Variants in NDUFS4 observed in about 807,000 individuals in gnomAD.
NDUFS4 encodes the protein NADH:ubiquinone oxidoreductase subunit S4.
In NDUFS4, 28 loss-of-function variants were observed where a neutral mutation model predicts 24.3. The ratio of observed to expected loss-of-function variants is 1.15; its 90% CI spans 0.85 to 1.58. The LOEUF (loss-of-function observed/expected upper bound fraction) is 1.58. Among genes scored for constraint, NDUFS4 ranks in the 40% most tolerant of loss-of-function variants. The probability of loss-of-function intolerance (pLI) is 0.00; values close to 1 mark genes in which losing one functional copy is unlikely to be tolerated. For missense variants in NDUFS4, 223 were observed against 207.9 expected, an observed-to-expected ratio of 1.07 and a Z score of -0.45; for synonymous variants, 93 against 69.7, an observed-to-expected ratio of 1.34 and a Z score of -1.67.
intron 4 of NDUFS4, among the ~76,000 whole-genome samples, chr5:53,682,503 C>T (rs1697032162): frequency 6.7e-6 from 1 of 149,524 alleles, no homozygotes; most frequent in African/African-American, 2.5e-5. Context: ...GTACTCCCAT[C>T]TGAGTCCAAT....
chr5:53,572,950 G>GTTTTTT (rs1561334374), intron 1 of NDUFS4, among the ~76,000 whole-genome samples: 1 of 116,744 alleles, frequency 8.6e-6, no homozygotes, highest in Non-Finnish European at 1.8e-5. Context: ...GGCCTTTGTT[G>GTTTTTT]TTTTTTGTTT....
chr5:53,643,473 A>G (rs1236621933), intron 2 of NDUFS4, among the ~76,000 whole-genome samples: 1 of 152,156 alleles, frequency 6.6e-6, no homozygotes, highest in African/African-American at 2.4e-5. Flanking sequence ...AGGGAACCAC[A>G]CAAAGCGTTG....
intron 1 of NDUFS4, among the ~76,000 whole-genome samples, chr5:53,583,875 A>T (rs541842823): frequency 6.6e-6 from 1 of 152,226 alleles, no homozygotes; most frequent in African/African-American, 2.4e-5. Flanking sequence ...AGTGTTGCCA[A>T]CCGTGGTTGC....
At chr5:53,587,895 G>A (rs11958510) in intron 1 of NDUFS4, among the ~76,000 whole-genome samples, 12,542 of 152,184 alleles carry the variant, frequency 0.082, 720 homozygotes, top group Non-Finnish European at 0.12. Flanking sequence ...CTTTTTTAAG[G>A]TAAATTACCA....
chr5:53,675,586 T>A lies in NDUFS4; in HGVS notation c.425-7532T>A, dbSNP rs563646201. 1.6e-4 allele frequency among the ~76,000 whole-genome samples: 25 copies of A among 152,316 alleles called. 2 individuals carry two copies. Among genetic ancestry groups the A allele is most frequent in the Admixed American group, 1.4e-3 (22 of 15,296 alleles). On this transcript the variant is annotated intron_variant, in intron 4 of 4. Transcript: ENST00000296684. The stretch of plus-strand genomic sequence containing the variant: ...GATAGACATACAGTCACACAGAGTT[T>A]ATAACTTCAGTTCTAAACTTTCAGC...
intron 2 of NDUFS4, among the ~76,000 whole-genome samples, chr5:53,624,285 G>A (rs1751150696): frequency 6.6e-6 from 1 of 152,104 alleles, no homozygotes; most frequent in East Asian, 1.9e-4. Flanking sequence ...GGATTTATGA[G>A]TCCTCCAGCT....
intron 2 of NDUFS4, among the ~76,000 whole-genome samples, chr5:53,634,034 T>C (rs979988847): frequency 7.9e-5 from 12 of 152,252 alleles, no homozygotes; most frequent in African/African-American, 2.9e-4. Flanking sequence ...TCTTGCATTA[T>C]AATATAATGT....
intron 2 of NDUFS4, among the ~76,000 whole-genome samples, chr5:53,644,055 G>T (rs1751776296): frequency 6.6e-6 from 1 of 152,038 alleles, no homozygotes; most frequent in Non-Finnish European, 1.5e-5. Context: ...CTACTTTGTA[G>T]CTCAAATACT....
intron 1 of NDUFS4, 94 bp from the exon 2 acceptor site, chr5:53,603,358 A>C: frequency 1.2e-6 from 1 of 809,084 alleles, no homozygotes; most frequent in Admixed American, 2.2e-5. Flanking sequence ...TTTTAATAAG[A>C]CAGATATTGT....
chr5:53,628,198 T>G (rs1751288583), intron 2 of NDUFS4, among the ~76,000 whole-genome samples: 1 of 152,252 alleles, frequency 6.6e-6, no homozygotes, highest in South Asian at 2.1e-4. Flanking sequence ...GGTTTGCATA[T>G]GTTGAACCAG....
At chr5:53,668,541 C>T (rs987556742) in intron 4 of NDUFS4, among the ~76,000 whole-genome samples, 5 of 152,108 alleles carry the variant, frequency 3.3e-5, no homozygotes, top group African/African-American at 9.6e-5. Flanking sequence ...TCACTGCAAC[C>T]TCCACCTCCC....
intron 1 of NDUFS4, among the ~76,000 whole-genome samples, chr5:53,600,062 C>T (rs931105070): frequency 8.6e-5 from 13 of 151,976 alleles, no homozygotes; most frequent in Admixed American, 3.3e-4. Context: ...TGCAATGGCA[C>T]GATCTCAGCT....
intron 3 of NDUFS4, among the ~76,000 whole-genome samples, chr5:53,656,262 C>G (rs1752159330): frequency 6.9e-6 from 1 of 144,816 alleles, no homozygotes; most frequent in African/African-American, 2.6e-5. Flanking sequence ...AATTATTTTT[C>G]TGTTTTGTCC....
At chr5:53,625,986 A>G (rs569036712) in intron 2 of NDUFS4, among the ~76,000 whole-genome samples, 2 of 152,212 alleles carry the variant, frequency 1.3e-5, no homozygotes, top group South Asian at 2.1e-4. Flanking sequence ...TGCTGCACCT[A>G]TCAACTCATC....
intron 2 of NDUFS4, among the ~76,000 whole-genome samples, chr5:53,632,028 C>CT (rs2112491177): frequency 6.6e-6 from 1 of 152,300 alleles, no homozygotes; most frequent in South Asian, 2.1e-4. Context: ...GCTCGCCCTC[C>CT]GTGGTCTGCA....
intron 1 of NDUFS4, among the ~76,000 whole-genome samples, chr5:53,573,926 T>C (rs1436553303): frequency 1.3e-5 from 2 of 152,238 alleles, no homozygotes; most frequent in Admixed American, 1.3e-4. Flanking sequence ...TTGCTGTATA[T>C]AGAAGTGTGA....
At chr5:53,657,937 A>G (rs934986927) in intron 3 of NDUFS4, among the ~76,000 whole-genome samples, 1 of 152,084 alleles carries the variant, frequency 6.6e-6, no homozygotes, top group Non-Finnish European at 1.5e-5. Flanking sequence ...AAAAAAAAAA[A>G]AAAAAGAATA....
intron 2 of NDUFS4, among the ~76,000 whole-genome samples, chr5:53,638,319 A>G (rs1751614549): frequency 6.6e-6 from 1 of 152,124 alleles, no homozygotes; most frequent in Non-Finnish European, 1.5e-5. Flanking sequence ...AAGTTCCAAA[A>G]TCAGAGGTTT....
intron 4 of NDUFS4, among the ~76,000 whole-genome samples, chr5:53,662,089 A>C (rs922861195): frequency 2.0e-5 from 3 of 152,156 alleles, no homozygotes; most frequent in Non-Finnish European, 4.4e-5. Flanking sequence ...TTCAAAGGGA[A>C]TGTTTCCAGT....
Sources: allele counts gnomAD v4.1 joint callset (sites outside exome capture counted in the v4.1 genomes callset), GRCh38; gene constraint gnomAD v4.1.1; transcripts MANE v1.5; gene names NCBI Gene and HGNC (gene_info 2026-07-23, HGNC 2026-07-21).